PDE8B: variants seen among roughly 807,000 people sequenced by gnomAD.
PDE8B encodes the protein high affinity cAMP-specific and IBMX-insensitive 3',5'-cyclic phosphodiesterase 8B.
Under a neutral mutation model 101.3 loss-of-function variants are expected in PDE8B, and 26 were observed. That is an observed-to-expected ratio of 0.26 (90% CI 0.19 to 0.36). The LOEUF is 0.36. PDE8B is among the 10% of genes least tolerant of loss of function. The probability of loss-of-function intolerance (pLI) is 1.00; values close to 1 mark genes in which losing one functional copy is unlikely to be tolerated. For synonymous variants in PDE8B, 424 were observed against 429.3 expected (o/e 0.99, Z 0.15); for missense variants, 810 against 1,163.1 (o/e 0.70, Z 4.42).
At chr5:77,298,688 C>T (rs1023956780) in intron 1 of PDE8B, among the ~76,000 whole-genome samples, 13 of 152,182 alleles carry the variant, frequency 8.5e-5, no homozygotes, top group Admixed American at 8.5e-4. Context: ...GTATTTTAGC[C>T]ATCTGACTGT....
At chr5:77,113,183 A>G in the PDE8B span, 1 of 152,232 alleles carries the variant, frequency 6.6e-6, no homozygotes, top group Non-Finnish European at 1.5e-5. Flanking sequence ...TAAAGTTCAT[A>G]TGGAACCAAA....
intron 1 of PDE8B, among the ~76,000 whole-genome samples, chr5:77,213,782 CCA>C (rs1400003249): frequency 2.0e-5 from 3 of 151,966 alleles, no homozygotes; most frequent in African/African-American, 7.3e-5. Flanking sequence ...CTGGTATTCC[CCA>C]GAGTGCAAAA....
At chr5:77,273,750 AT>A (rs1763255283) in intron 1 of PDE8B, among the ~76,000 whole-genome samples, 1 of 152,056 alleles carries the variant, frequency 6.6e-6, no homozygotes, top group Non-Finnish European at 1.5e-5. Flanking sequence ...ATAAAGTTTG[AT>A]TTTTATTAAC....
chr5:77,271,467 G>A (rs931854016), intron 1 of PDE8B, among the ~76,000 whole-genome samples: 4 of 152,034 alleles, frequency 2.6e-5, no homozygotes, highest in African/African-American at 9.7e-5. Flanking sequence ...GGACAGCCAA[G>A]GCTGATACCT....
At chr5:77,410,653 T>C (rs1794379607) in intron 14 of PDE8B, 1 of 146,584 alleles carries the variant, frequency 6.8e-6, no homozygotes, top group African/African-American at 2.6e-5. Context: ...TCTCTTGCCA[T>C]ACACACGTTA....
At chr5:77,357,256 C>T (rs1782278927) in intron 10 of PDE8B, among the ~76,000 whole-genome samples, 1 of 152,126 alleles carries the variant, frequency 6.6e-6, no homozygotes, top group Non-Finnish European at 1.5e-5. Flanking sequence ...CAGTGAGGGC[C>T]AGTGGACAGT....
chr5:77,309,749 A>G (rs1005055038), intron 1 of PDE8B, among the ~76,000 whole-genome samples: 6 of 151,634 alleles, frequency 4.0e-5, no homozygotes, highest in Non-Finnish European at 7.4e-5. Flanking sequence ...CCTCCCAAGT[A>G]TCTGGGATTA....
At chr5:77,291,013 A>G in intron 1 of PDE8B, 2 of 1,612,208 alleles carry the variant, frequency 1.2e-6, no homozygotes, top group Non-Finnish European at 1.7e-6. Flanking sequence ...GGGAGCACTC[A>G]GGTGGGAAAA....
At chr5:77,372,618 G>A (rs1785261966) in intron 10 of PDE8B, among the ~76,000 whole-genome samples, 1 of 152,184 alleles carries the variant, frequency 6.6e-6, no homozygotes, top group Non-Finnish European at 1.5e-5. Flanking sequence ...GGAAAGTTCA[G>A]TCTTTTCTGT....
At chr5:77,128,583 G>A in the PDE8B span, among the ~76,000 whole-genome samples, 1 of 152,190 alleles carries the variant, frequency 6.6e-6, no homozygotes, top group East Asian at 1.9e-4. Context: ...GCAAGGTCAG[G>A]TTATGCCTGT....
chr5:77,222,322 A>AT (rs538213799), intron 1 of PDE8B, among the ~76,000 whole-genome samples: 361 of 152,276 alleles, frequency 2.4e-3, no homozygotes, highest in African/African-American at 8.4e-3. Context: ...GTTTGGAGTG[A>AT]TAAAAAAAAT....
At chr5:77,094,075 T>C in the PDE8B span, among the ~76,000 whole-genome samples, 2 of 152,104 alleles carry the variant, frequency 1.3e-5, no homozygotes, top group Non-Finnish European at 2.9e-5. Context: ...CTGGGCTATG[T>C]TACCTTCGGA....
chr5:77,415,371 T>G (rs76965346), intron 17 of PDE8B, among the ~76,000 whole-genome samples: 5 of 148,472 alleles, frequency 3.4e-5, no homozygotes, highest in Non-Finnish European at 7.4e-5. Context: ...TTTTTTTTTT[T>G]TTTTGAGATG....
intron 3 of PDE8B, among the ~76,000 whole-genome samples, chr5:77,326,269 A>C (rs1776043018): frequency 6.6e-6 from 1 of 152,156 alleles, no homozygotes; most frequent in Non-Finnish European, 1.5e-5. Context: ...CACTCTGGGG[A>C]GGAAACACAG....
At chr5:77,316,026 T>C (rs892510995) in intron 2 of PDE8B, among the ~76,000 whole-genome samples, 5 of 152,172 alleles carry the variant, frequency 3.3e-5, no homozygotes, top group Non-Finnish European at 5.9e-5. Context: ...GTTTCTATAA[T>C]CTTTGTCTTT....
chr5:77,126,953 G>T, the PDE8B span, among the ~76,000 whole-genome samples: 1 of 152,100 alleles, frequency 6.6e-6, no homozygotes, highest in Admixed American at 6.5e-5. Context: ...CCACTATTTT[G>T]TCCAAGCCTC....
At chr5:77,235,440 T>C (rs1473096744) in intron 1 of PDE8B, among the ~76,000 whole-genome samples, 2 of 152,200 alleles carry the variant, frequency 1.3e-5, no homozygotes, top group African/African-American at 2.4e-5. Context: ...CATGCTCATG[T>C]TTCTCCCTGT....
At chr5:77,108,234 A>C in the PDE8B span, among the ~76,000 whole-genome samples, 2 of 152,198 alleles carry the variant, frequency 1.3e-5, no homozygotes, top group Non-Finnish European at 1.5e-5. Context: ...TTATTTGGTA[A>C]GGGCAAATTT....
At chr5:77,282,650 C>T (rs183327815) in intron 1 of PDE8B, among the ~76,000 whole-genome samples, 1 of 152,172 alleles carries the variant, frequency 6.6e-6, no homozygotes, top group Non-Finnish European at 1.5e-5. Flanking sequence ...GGCTGGACTC[C>T]TGCAGCAGCT....
Sources: allele counts gnomAD v4.1 joint callset (sites outside exome capture counted in the v4.1 genomes callset), GRCh38; gene constraint gnomAD v4.1.1; transcripts MANE v1.5; gene names NCBI Gene and HGNC (gene_info 2026-07-23, HGNC 2026-07-21).